ABCA5: variants seen among roughly 807,000 people sequenced by gnomAD.
ABCA5 encodes the protein ATP binding cassette subfamily A member 5.
ABCA5 carries 163 observed loss-of-function variants against 206.0 expected under a neutral mutation model. That is an observed-to-expected ratio of 0.79 (90% CI 0.70 to 0.90). The LOEUF (loss-of-function observed/expected upper bound fraction) is 0.90. Ranked by LOEUF, ABCA5 falls within the 40% of genes least tolerant of loss-of-function variation. ABCA5 has a pLI of 0.00. For missense variants in ABCA5, 1,859 were observed against 1,912.9 expected (o/e 0.97, Z 0.53); for synonymous variants, 609 against 613.8 (o/e 0.99, Z 0.11).
chr17:69,318,502 G>C (rs2075836365), intron 1 of ABCA5, among the ~76,000 whole-genome samples: 2 of 152,052 alleles, frequency 1.3e-5, no homozygotes, highest in Admixed American at 1.3e-4. Flanking sequence ...GGAAAGAACT[G>C]TTTAAATTAG....
intron 25 of ABCA5, 92 bp from the exon 26 acceptor site, chr17:69,261,351 C>A: frequency 8.5e-7 from 1 of 1,174,372 alleles, no homozygotes; most frequent in African/African-American, 1.6e-5. Flanking sequence ...TTTCAATCCT[C>A]TAATAAAACA....
At chr17:69,258,802 A>G (rs2075112342) in intron 28 of ABCA5, among the ~76,000 whole-genome samples, 2 of 152,154 alleles carry the variant, frequency 1.3e-5, no homozygotes, top group South Asian at 2.1e-4. Context: ...ACCAATAATT[A>G]TAATTTTTAG....
intron 24 of ABCA5, among the ~76,000 whole-genome samples, chr17:69,264,482 C>T (rs1000952165): frequency 3.9e-5 from 6 of 152,144 alleles, no homozygotes; most frequent in Non-Finnish European, 8.8e-5. Flanking sequence ...TTCCTGATTA[C>T]ACCCAAGTAG....
rs2074992791 is a variant in ABCA5 at position 69,249,948 on chromosome 17, T to G, written c.4722A>C (p.Glu1574Asp). Residue 1574 changes from glutamate (E) to aspartate (D), a missense_variant, in exon 37 of 39, where the codon GAA becomes GAC. Transcript: ENST00000392676. ...SSILAYKIPKEDVQSLSQSFF... is the reference protein window; with the variant it reads ...SSILAYKIPKDDVQSLSQSFF... ...AAGATTGTGAAAGGGACTGAACATC[T>G]TCCTTAGGAATTTTATAAGCCAAAA... 6.6e-7 allele frequency: 1 copy of G among 1,511,674 alleles called. No homozygotes were observed. The highest frequency in any genetic ancestry group is 1.4e-5 in the African/African-American group (1 of 71,158). 93.6% of individuals were successfully genotyped at this position (1,511,674 alleles called of 1,614,324 possible).
intron 17 of ABCA5, among the ~76,000 whole-genome samples, chr17:69,284,517 T>C (rs763783089): frequency 3.9e-5 from 6 of 152,242 alleles, no homozygotes; most frequent in Admixed American, 6.5e-5. Flanking sequence ...AAAATAAATA[T>C]GTACATTAGA....
chr17:69,312,180 T>G (rs114405750), intron 3 of ABCA5, among the ~76,000 whole-genome samples: 250 of 152,330 alleles, frequency 1.6e-3, no homozygotes, highest in African/African-American at 5.8e-3. Context: ...CATAAGAATT[T>G]CTGTCACTTT....
chr17:69,316,658 C>T (rs577073080), intron 1 of ABCA5, among the ~76,000 whole-genome samples: 2 of 142,554 alleles, frequency 1.4e-5, no homozygotes, highest in South Asian at 4.4e-4. Context: ...GGGATATAAA[C>T]ACATAAGTTT....
At position 69,283,982 on chromosome 17, in the gene ABCA5, A is replaced by G. The variant is rs573700749; in HGVS notation, c.2363T>C (p.Leu788Pro). Residue 788 changes from leucine to proline, a missense_variant, in exon 18 of 39, where the codon CTA becomes CCA. By Grantham distance (98) the Leu-to-Pro change is moderately conservative. Transcript: ENST00000392676. The part of the protein sequence containing the change: ...MTTLEDVFLK[L>P]EVEAEIDQAD... ...TTGGTCAATTTCTGCTTCAACTTCT[A>G]GCTTTAAAAATACGTCTTCCAAAGT... The G allele has an allele frequency of 6.2e-7, 1 of 1,607,176 alleles. No homozygotes were observed. The highest frequency in any genetic ancestry group is 1.7e-5 in the Admixed American group (1 of 58,862).
In ABCA5 at chr17:69,286,149, A is replaced by T. The variant is rs188644463; in HGVS notation, c.2132+72T>A. The T allele has an allele frequency of 2.4e-4, 364 of 1,548,274 alleles. No homozygotes were observed. In the African/African-American group the frequency reaches 4.8e-3, roughly 20 times the overall value. ...ATAAATGATGGTCAAAGCATATAAC[A>T]GCAAGCCTCCAACATAATAACAGTA... On this transcript the variant is annotated intron_variant, in intron 16 of 38. Coordinates refer to ENST00000392676, the MANE Select transcript of ABCA5 (RefSeq NM_172232.4).
At chr17:69,269,316 T>C (rs2075245393) in intron 22 of ABCA5, among the ~76,000 whole-genome samples, 2 of 152,142 alleles carry the variant, frequency 1.3e-5, no homozygotes, top group Admixed American at 1.3e-4. Context: ...TTCACCTGTG[T>C]CTTAAAAGTT....
Position 69,253,800 on chromosome 17 carries a change from T to C in ABCA5, c.4314A>G (p.Lys1438=). ...TGGTGTTTAATGAAAGTACCTTTCG[T>C]TTGATTCCTGCAGGTAGTTTCTTTA... is the stretch of plus-strand genomic sequence containing the variant. ...KTVKKLPAGI[K]RKLCFALSML... Residue 1438 remains lysine, a synonymous_variant, in exon 33 of 39, where the codon AAA becomes AAG. Transcript: ENST00000392676. 6.2e-7 allele frequency: 1 copy of C among 1,612,480 alleles called. No homozygotes were observed. Among genetic ancestry groups the C allele is most frequent in the South Asian group, 1.1e-5 (1 of 90,936 alleles).
chr17:69,294,749 G>T, intron 10 of ABCA5, 36 bp from the exon 11 acceptor site: 2 of 1,419,674 alleles, frequency 1.4e-6, no homozygotes, highest in Non-Finnish European at 2.0e-6. Flanking sequence ...AGTATTTAAA[G>T]CAATTTATAA....
At position 69,245,285 on chromosome 17, in the gene ABCA5, T is replaced by A. The variant is rs2074937545; in HGVS notation, c.*2252A>T. The A allele has an allele frequency of 6.6e-6, 1 of 151,982 alleles. No homozygotes were observed. The highest frequency in any genetic ancestry group is 1.5e-5 in the Non-Finnish European group (1 of 67,870). 9.4% of individuals were successfully genotyped at this position (151,982 alleles called of 1,614,324 possible). ...CACTCACTCAGTAAAGCTCAGCTTT[T>A]ACTTTCCTTTGAAAATTTGACCATG... is the stretch of plus-strand genomic sequence containing the variant. On this transcript the variant is annotated 3_prime_UTR_variant, in exon 39 of 39. Transcript: ENST00000392676.
chr17:69,292,997 A>G (rs904411294), intron 11 of ABCA5, among the ~76,000 whole-genome samples: 9 of 152,114 alleles, frequency 5.9e-5, no homozygotes, highest in East Asian at 2.0e-4. Flanking sequence ...CTAAAACCCT[A>G]TTAGTATACC....
In ABCA5 at chr17:69,306,908, G is replaced by T; in HGVS notation, c.605C>A (p.Ala202Asp). ...AACAGCAGTTTCTCCCATAATAACA[G>T]CTTTAGTTGACTCCAGCTCCTTCCA... Reference protein sequence around the residue: ...SLWKELESTKAVIMGETAVVE... With the variant: ...SLWKELESTKDVIMGETAVVE... Residue 202 changes from alanine (A) to aspartate (D), a missense_variant, in exon 6 of 39, where the codon GCT (alanine) becomes GAT (aspartate). Ala to Asp is a moderately radical substitution (Grantham distance 126). Transcript: ENST00000392676. 6.3e-7 allele frequency: 1 copy of T among 1,587,952 alleles called. No homozygotes were observed. Among genetic ancestry groups the T allele is most frequent in the Non-Finnish European group, 8.6e-7 (1 of 1,166,758 alleles).
At chr17:69,299,391 A>T (rs1200995871) in intron 9 of ABCA5, among the ~76,000 whole-genome samples, 1 of 151,992 alleles carries the variant, frequency 6.6e-6, no homozygotes, top group Admixed American at 6.6e-5. Flanking sequence ...TAATTAATTC[A>T]CAATTACAAA....
chr17:69,306,746 C>A lies in ABCA5; in HGVS notation c.767G>T (p.Gly256Val), dbSNP rs777398865. 2 of 1,528,276 alleles carry A rather than the reference C, an allele frequency of 1.3e-6. No individual in the cohort carries two copies. Among genetic ancestry groups the A allele is most frequent in the Non-Finnish European group, 8.8e-7 (1 of 1,131,258 alleles). The allele number at this position is 1,528,276 out of a possible 1,614,324, so 94.7% of individuals were successfully genotyped here. A position where few individuals can be genotyped will look rare whatever the true frequency, so the allele number is the denominator to read the frequency against. Residue 256 changes from glycine (G) to valine (V), a missense_variant, in exon 6 of 39, where the codon GGA (glycine) becomes GTA (valine). Gly to Val is a moderately radical substitution (Grantham distance 109). Coordinates refer to ENST00000392676, the MANE Select transcript of ABCA5 (RefSeq NM_172232.4). The stretch of plus-strand genomic sequence containing the variant: ...ATACCAAAAGGCAGTATCATGAAGT[C>A]CCATTATCTTTAAAAATTCTTTTAT... The part of the protein sequence containing the change: ...KKIKEFLKIM[G>V]LHDTAFWLSW...
At chr17:69,283,199 G>C (rs2075415281) in intron 18 of ABCA5, among the ~76,000 whole-genome samples, 1 of 151,882 alleles carries the variant, frequency 6.6e-6, no homozygotes, top group Admixed American at 6.6e-5. Flanking sequence ...GCCAAGACTG[G>C]TCTGGAACTC....
intron 34 of ABCA5, 55 bp downstream of exon 34, chr17:69,253,518 A>C: frequency 1.7e-6 from 2 of 1,211,970 alleles, no homozygotes; most frequent in Non-Finnish European, 2.4e-6. Flanking sequence ...ATTATAATAA[A>C]AGAAACTGTT....
Sources: allele counts gnomAD v4.1 joint callset (sites outside exome capture counted in the v4.1 genomes callset), GRCh38; gene constraint gnomAD v4.1.1; transcripts MANE v1.5; gene names NCBI Gene and HGNC (gene_info 2026-07-23, HGNC 2026-07-21).